ROBO2: variants seen among roughly 807,000 people sequenced by gnomAD.
ROBO2 encodes roundabout guidance receptor 2.
Under a neutral mutation model 160.8 loss-of-function variants are expected in ROBO2, and 53 were observed. That is an observed-to-expected ratio of 0.33 (90% CI 0.26 to 0.41). The LOEUF is 0.41. ROBO2 is among the 10% of genes least tolerant of loss of function. The probability of loss-of-function intolerance (pLI) is 1.00; values close to 1 mark genes in which losing one functional copy is unlikely to be tolerated. For synonymous variants in ROBO2, 664 were observed against 611.7 expected (o/e 1.09, Z -1.26); for missense variants, 1,577 against 1,722.4 (o/e 0.92, Z 1.49).
At chr3:76,787,575 T>C (rs1416685652) in intron 2 of ROBO2, among the ~76,000 whole-genome samples, 2 of 151,390 alleles carry the variant, frequency 1.3e-5, no homozygotes, top group South Asian at 2.1e-4. Flanking sequence ...AATTGTAAAA[T>C]TATCTTTTGT....
intron 2 of ROBO2, among the ~76,000 whole-genome samples, chr3:77,336,518 T>C (rs1334095291): frequency 1.3e-5 from 2 of 152,102 alleles, no homozygotes; most frequent in African/African-American, 2.4e-5. Flanking sequence ...CTCTTTCTTT[T>C]TTTTTTTCTT....
chr3:76,399,097 T>C (rs1559883063), intron 2 of ROBO2, among the ~76,000 whole-genome samples: 1 of 151,802 alleles, frequency 6.6e-6, no homozygotes, highest in Non-Finnish European at 1.5e-5. Context: ...GCAAGCATAA[T>C]ATAATTTTAT....
At chr3:76,926,459 G>A (rs866443097) in intron 2 of ROBO2, among the ~76,000 whole-genome samples, 32 of 152,258 alleles carry the variant, frequency 2.1e-4, no homozygotes, top group Middle Eastern at 3.4e-3. Flanking sequence ...TGCATTGATT[G>A]TGCTTCAGAA....
intron 2 of ROBO2, among the ~76,000 whole-genome samples, chr3:76,536,143 T>C (rs564378814): frequency 1.1e-4 from 16 of 152,336 alleles, no homozygotes; most frequent in African/African-American, 3.8e-4. Flanking sequence ...CCTGAAGGAA[T>C]GCCTGGAGGC....
chr3:77,626,367 T>G (rs2095026888), intron 23 of ROBO2, among the ~76,000 whole-genome samples: 2 of 152,202 alleles, frequency 1.3e-5, no homozygotes, highest in Admixed American at 6.5e-5. Context: ...TATCAGCACT[T>G]TTTGCAATGA....
chr3:76,800,969 T>G (rs1015641488), intron 2 of ROBO2, among the ~76,000 whole-genome samples: 2 of 152,220 alleles, frequency 1.3e-5, no homozygotes, highest in Admixed American at 6.5e-5. Context: ...TGTAGCACTA[T>G]TCATAATAGC....
At chr3:76,165,326 C>T (rs2072792824) in intron 2 of ROBO2, among the ~76,000 whole-genome samples, 1 of 143,600 alleles carries the variant, frequency 7.0e-6, no homozygotes. Flanking sequence ...ACCTCATGAG[C>T]TAATTTCTGC....
intron 2 of ROBO2, among the ~76,000 whole-genome samples, chr3:76,191,806 C>T (rs568460619): frequency 6.6e-6 from 1 of 152,190 alleles, no homozygotes; most frequent in South Asian, 2.1e-4. Context: ...ATCCCTCTGC[C>T]AGGAAAGTTG....
At chr3:77,291,233 CAT>C (rs1483620358) in intron 2 of ROBO2, among the ~76,000 whole-genome samples, 3 of 151,616 alleles carry the variant, frequency 2.0e-5, no homozygotes, top group African/African-American at 7.3e-5. Flanking sequence ...GCACTAAAGA[CAT>C]AAAGTAAAAT....
At chr3:77,001,979 T>G (rs1286692555) in intron 2 of ROBO2, among the ~76,000 whole-genome samples, 1 of 152,144 alleles carries the variant, frequency 6.6e-6, no homozygotes, top group Non-Finnish European at 1.5e-5. Flanking sequence ...TAATGAGTAA[T>G]TTTTAAATAA....
intron 2 of ROBO2, among the ~76,000 whole-genome samples, chr3:76,947,857 T>A (rs1248735413): frequency 6.6e-6 from 1 of 152,252 alleles, no homozygotes; most frequent in Non-Finnish European, 1.5e-5. Flanking sequence ...TGTTGTTCTA[T>A]TGACATGTTT....
intron 2 of ROBO2, among the ~76,000 whole-genome samples, chr3:76,915,708 C>T (rs112979639): frequency 0.012 from 1,792 of 150,954 alleles, 36 homozygotes; most frequent in African/African-American, 0.041. Flanking sequence ...GAGTGAAAAG[C>T]GTGACTTTCA....
At chr3:76,823,332 G>A (rs892552929) in intron 2 of ROBO2, among the ~76,000 whole-genome samples, 1 of 152,030 alleles carries the variant, frequency 6.6e-6, no homozygotes, top group African/African-American at 2.4e-5. Context: ...ATTCAAAACA[G>A]CAAACTTTAA....
intron 2 of ROBO2, among the ~76,000 whole-genome samples, chr3:76,875,313 T>C (rs1412299121): frequency 6.6e-6 from 1 of 152,210 alleles, no homozygotes; most frequent in Admixed American, 6.5e-5. Context: ...CTGTTCTTTG[T>C]AAATTACCAG....
chr3:76,283,058 A>G (rs1201433074), intron 2 of ROBO2, among the ~76,000 whole-genome samples: 1 of 139,644 alleles, frequency 7.2e-6, no homozygotes, highest in East Asian at 2.1e-4. Context: ...AAGTTGTTTC[A>G]TTACAAGTCT....
chr3:76,886,407 A>G (rs1435012731), intron 2 of ROBO2, among the ~76,000 whole-genome samples: 1 of 151,978 alleles, frequency 6.6e-6, no homozygotes, highest in Non-Finnish European at 1.5e-5. Flanking sequence ...TAAAAAAAAA[A>G]ACAACCTTTC....
At chr3:76,178,158 T>C (rs1192875714) in intron 2 of ROBO2, among the ~76,000 whole-genome samples, 3 of 152,164 alleles carry the variant, frequency 2.0e-5, no homozygotes, top group Admixed American at 6.6e-5. Context: ...TTATAGACTT[T>C]TTTCCTTTCC....
intron 2 of ROBO2, among the ~76,000 whole-genome samples, chr3:76,575,856 GGA>G (rs981133755): frequency 6.6e-6 from 1 of 151,602 alleles, no homozygotes; most frequent in Non-Finnish European, 1.5e-5. Context: ...TTAGATTTGT[GGA>G]GAGAGAGAGA....
chr3:76,545,808 T>A (rs2083065727), intron 2 of ROBO2, among the ~76,000 whole-genome samples: 1 of 151,938 alleles, frequency 6.6e-6, no homozygotes, highest in Non-Finnish European at 1.5e-5. Context: ...AATGCCTAAT[T>A]CTATCTAACA....
Sources: allele counts gnomAD v4.1 joint callset (sites outside exome capture counted in the v4.1 genomes callset), GRCh38; gene constraint gnomAD v4.1.1; transcripts MANE v1.5; gene names NCBI Gene and HGNC (gene_info 2026-07-23, HGNC 2026-07-21).